WWC2: variants seen among roughly 807,000 people sequenced by gnomAD.
WWC2 encodes protein WWC2.
A neutral mutation model predicts 138.5 loss-of-function variants in WWC2; 101 were observed. That is an observed-to-expected ratio of 0.73 (90% CI 0.62 to 0.86). The LOEUF is 0.86. WWC2 is among the 40% of genes least tolerant of loss of function. The probability of loss-of-function intolerance (pLI) is 0.00; values close to 1 mark genes in which losing one functional copy is unlikely to be tolerated. For synonymous variants in WWC2, 558 were observed against 538.4 expected, an observed-to-expected ratio of 1.04 and a Z score of -0.50; for missense variants, 1,420 against 1,419.4, an observed-to-expected ratio of 1.00 and a Z score of -0.01.
At chr4:183,307,795 T>G (rs763524842) in intron 21 of WWC2, among the ~76,000 whole-genome samples, 4 of 152,232 alleles carry the variant, frequency 2.6e-5, no homozygotes, top group Admixed American at 6.5e-5. Context: ...CTGCTAAGAC[T>G]AGGAACGGAG....
At chr4:183,263,949 T>C (rs1341144830) in intron 11 of WWC2, among the ~76,000 whole-genome samples, 4 of 152,172 alleles carry the variant, frequency 2.6e-5, no homozygotes, top group Non-Finnish European at 5.9e-5. Context: ...CCCTGCTGGA[T>C]GACACCAACC....
intron 1 of WWC2, among the ~76,000 whole-genome samples, chr4:183,184,114 G>T (rs1205336660): frequency 6.6e-6 from 1 of 152,116 alleles, no homozygotes; most frequent in African/African-American, 2.4e-5. Flanking sequence ...CCTCCTCCAA[G>T]GTACCCACTG....
chr4:183,216,518 A>C (rs1427762056), intron 4 of WWC2, among the ~76,000 whole-genome samples: 1 of 152,224 alleles, frequency 6.6e-6, no homozygotes, highest in Non-Finnish European at 1.5e-5. Context: ...TAACTACCAC[A>C]AGAATTGCCC....
At chr4:183,133,825 T>A (rs1305706030) in intron 1 of WWC2, among the ~76,000 whole-genome samples, 1 of 152,190 alleles carries the variant, frequency 6.6e-6, no homozygotes, top group Non-Finnish European at 1.5e-5. Context: ...AGTTTTGGCA[T>A]TAAGATTATG....
chr4:183,195,917 T>A (rs553980548), intron 2 of WWC2, among the ~76,000 whole-genome samples: 1 of 152,208 alleles, frequency 6.6e-6, no homozygotes, highest in South Asian at 2.1e-4. Context: ...TAATCTCCAG[T>A]GTTGGAGGTA....
intron 22 of WWC2, among the ~76,000 whole-genome samples, chr4:183,313,485 G>C (rs1204272023): frequency 6.6e-6 from 1 of 152,100 alleles, no homozygotes; most frequent in Non-Finnish European, 1.5e-5. Flanking sequence ...GGGAGCAGGG[G>C]TGTGGGGAGG....
chr4:183,158,283 G>A (rs374603285), intron 1 of WWC2, among the ~76,000 whole-genome samples: 9 of 152,202 alleles, frequency 5.9e-5, no homozygotes, highest in African/African-American at 1.2e-4. Context: ...GAGGTTTGGG[G>A]TATATATTAG....
chr4:183,263,180 C>T (rs908057624), intron 11 of WWC2, among the ~76,000 whole-genome samples: 1 of 152,130 alleles, frequency 6.6e-6, no homozygotes, highest in Admixed American at 6.5e-5. Context: ...GAACTTACAT[C>T]TTTTGACCTT....
intron 1 of WWC2, among the ~76,000 whole-genome samples, chr4:183,162,937 TC>T (rs1734003470): frequency 1.3e-5 from 2 of 152,202 alleles, no homozygotes; most frequent in Admixed American, 6.6e-5. Flanking sequence ...TTCCTGGTGT[TC>T]CATTTTTGTT....
In WWC2 at chr4:183,235,842, T is replaced by A. The variant is rs557431695; in HGVS notation, c.523-4341T>A. Among the ~76,000 whole-genome samples, 3 of 152,330 alleles carry A rather than the reference T, an allele frequency of 2.0e-5. No individual in the cohort carries two copies. The East Asian group carries it at 5.8e-4, about 29-fold the overall frequency. On this transcript the variant is annotated intron_variant, in intron 4 of 22. Transcript: ENST00000403733. The stretch of plus-strand genomic sequence containing the variant: ...GATAAAGAATGTCTTAAACAATTTT[T>A]AAAAAAATTTAAATTGACCTATCAT...
intron 4 of WWC2, among the ~76,000 whole-genome samples, chr4:183,236,963 T>C (rs910868451): frequency 7.9e-5 from 12 of 152,190 alleles, no homozygotes; most frequent in African/African-American, 2.9e-4. Context: ...TTGTTCAATC[T>C]TTTGGCTTCC....
chr4:183,319,453 T>A lies in WWC2; in HGVS notation c.*3724T>A, dbSNP rs1388828728. ...TTAATAGCCACAGGAAAAGATGCAT[T>A]TTCAAAAATCAAAAGCACAGTGAGA... On this transcript the variant is annotated 3_prime_UTR_variant, in exon 23 of 23. Coordinates refer to ENST00000403733, the MANE Select transcript of WWC2 (RefSeq NM_024949.6). The A allele has an allele frequency of 3.2e-6, 4 of 1,238,228 alleles. No individual in the cohort carries two copies. Among genetic ancestry groups the A allele is most frequent in the Non-Finnish European group, 4.5e-6 (4 of 887,182 alleles). 76.7% of individuals were successfully genotyped at this position (1,238,228 alleles called of 1,614,324 possible). A position where few individuals can be genotyped will look rare whatever the true frequency, so the allele number is the denominator to read the frequency against.
Position 183,260,891 on chromosome 4 carries a change from T to C in WWC2, c.1287-19T>C, listed in dbSNP as rs952693453. The C allele has an allele frequency of 1.9e-6, 3 of 1,610,702 alleles. No homozygotes were observed. Among genetic ancestry groups the C allele is most frequent in the Non-Finnish European group, 2.5e-6 (3 of 1,178,848 alleles). ...CCATTTTGTAACAGATTTTATGGTGTGTGCTTTTTGTCTTTCAGCCTCTCT... is the reference window on the plus strand; with the variant it reads ...CCATTTTGTAACAGATTTTATGGTGCGTGCTTTTTGTCTTTCAGCCTCTCT... On this transcript the variant is annotated intron_variant, in intron 10 of 22. Coordinates refer to ENST00000403733, the MANE Select transcript of WWC2 (RefSeq NM_024949.6).
chr4:183,295,222 C>T lies in WWC2; in HGVS notation c.3384+5587C>T, dbSNP rs572268790. Reference sequence around the variant, plus strand: ...GAGTGTAAACTCCCTAGGGAAGCAGCGAGGCTACTTTTTTTCCTTTGGTAT... The same window carrying T: ...GAGTGTAAACTCCCTAGGGAAGCAGTGAGGCTACTTTTTTTCCTTTGGTAT... On this transcript the variant is annotated intron_variant, in intron 21 of 22. Coordinates refer to ENST00000403733, the MANE Select transcript of WWC2 (RefSeq NM_024949.6). 4.6e-5 allele frequency among the ~76,000 whole-genome samples: 7 copies of T among 152,316 alleles called. No homozygotes were observed. The South Asian group carries it at 6.2e-4, about 14-fold the overall frequency.
intron 4 of WWC2, among the ~76,000 whole-genome samples, chr4:183,231,742 C>A (rs1451922569): frequency 1.3e-5 from 2 of 152,044 alleles, no homozygotes; most frequent in Non-Finnish European, 2.9e-5. Context: ...AGCTTGGACT[C>A]AAACTTCTGG....
intron 1 of WWC2, among the ~76,000 whole-genome samples, chr4:183,133,160 T>C (rs1212615414): frequency 6.8e-6 from 1 of 146,138 alleles, no homozygotes; most frequent in Non-Finnish European, 1.5e-5. Flanking sequence ...TTCTTTTTTT[T>C]TTTTTTTTGA....
At chr4:183,191,017 G>A (rs1162858844) in intron 1 of WWC2, among the ~76,000 whole-genome samples, 1 of 151,902 alleles carries the variant, frequency 6.6e-6, no homozygotes, top group African/African-American at 2.4e-5. Context: ...TAGGATGCAT[G>A]TGCCTTTTAG....
chr4:183,201,075 T>C (rs1245060880), intron 2 of WWC2, among the ~76,000 whole-genome samples: 1 of 152,202 alleles, frequency 6.6e-6, no homozygotes, highest in Non-Finnish European at 1.5e-5. Context: ...TATTAAATAT[T>C]AGGATATTCA....
intron 8 of WWC2, among the ~76,000 whole-genome samples, chr4:183,250,884 G>A (rs1003401582): frequency 7.9e-5 from 12 of 152,104 alleles, no homozygotes; most frequent in African/African-American, 2.9e-4. Flanking sequence ...CTTATTATTG[G>A]TGATGATGAT....
Sources: allele counts gnomAD v4.1 joint callset (sites outside exome capture counted in the v4.1 genomes callset), GRCh38; gene constraint gnomAD v4.1.1; transcripts MANE v1.5; gene names NCBI Gene and HGNC (gene_info 2026-07-23, HGNC 2026-07-21).